CACNA1C: variants seen among roughly 807,000 people sequenced by gnomAD.
The protein encoded by CACNA1C is calcium voltage-gated channel subunit alpha1 C.
CACNA1C carries 30 observed loss-of-function variants against 229.0 expected under a neutral mutation model. The ratio of observed to expected loss-of-function variants is 0.13; its 90% CI spans 0.10 to 0.18. CACNA1C has a LOEUF of 0.18. CACNA1C is among the 10% of genes least tolerant of loss of function. The pLI is 1.00. For synonymous variants in CACNA1C, 1,114 were observed against 1,132.5 expected (o/e 0.98, Z 0.33); for missense variants, 1,658 against 2,845.0 (o/e 0.58, Z 9.49).
intron 7 of CACNA1C, among the ~76,000 whole-genome samples, chr12:2,494,539 G>C (rs1009691810): frequency 6.6e-6 from 1 of 152,230 alleles, no homozygotes; most frequent in East Asian, 1.9e-4. Context: ...AACAATCTAA[G>C]AGCCTGCTCA....
chr12:2,597,701 C>T lies in CACNA1C; in HGVS notation c.2853+412C>T, dbSNP rs1263396566. ...AGGAGCAGCCTACCCCACCACAGCTCCTCCCTCCAGCCACCCCTAAGCAGT... is the reference window on the plus strand; with the variant it reads ...AGGAGCAGCCTACCCCACCACAGCTTCTCCCTCCAGCCACCCCTAAGCAGT... On this transcript the variant is annotated intron_variant, in intron 21 of 46. Coordinates refer to ENST00000399655, the MANE Select transcript of CACNA1C (RefSeq NM_000719.7). The surrounding 1 kb of genome is among the most constrained non-coding windows in gnomAD (Gnocchi z 4.3). Among the ~76,000 whole-genome samples the T allele has an allele frequency of 6.6e-6, 1 of 152,220 alleles. No homozygotes were observed. Among genetic ancestry groups the T allele is most frequent in the Non-Finnish European group, 1.5e-5 (1 of 68,042 alleles).
intron 1 of CACNA1C, among the ~76,000 whole-genome samples, chr12:2,009,778 A>C (rs2044066636): frequency 6.6e-6 from 1 of 152,222 alleles, no homozygotes; most frequent in Admixed American, 6.5e-5. Context: ...TGTTTTAAGC[A>C]GCAGAGCACA....
intron 3 of CACNA1C, among the ~76,000 whole-genome samples, chr12:2,189,514 T>G (rs2097148280): frequency 6.6e-6 from 1 of 152,200 alleles, no homozygotes; most frequent in South Asian, 2.1e-4. Context: ...CCATCGTGGC[T>G]GCCTGTGTGG....
chr12:2,597,175 C>A lies in CACNA1C; in HGVS notation c.2794-55C>A. On this transcript the variant is annotated intron_variant, in intron 20 of 46. Transcript: ENST00000399655. The surrounding 1 kb of genome is among the most constrained non-coding windows in gnomAD (Gnocchi z 4.3). ...AACATCCACTGACCTCTCTTCCCGT[C>A]CTGCTTTTCTCCCTTCCCCATCCCA... The A allele has an allele frequency of 8.7e-7, 1 of 1,155,866 alleles. No individual in the cohort carries two copies. The highest frequency in any genetic ancestry group is 1.3e-6 in the Non-Finnish European group (1 of 769,442). The allele number at this position is 1,155,866 out of a possible 1,614,324, so 71.6% of individuals were successfully genotyped here. A position where few individuals can be genotyped will look rare whatever the true frequency, so the allele number is the denominator to read the frequency against.
rs145043861 is a variant in CACNA1C, at chr12:2,306,366, C to A, written c.478-142610C>A. On this transcript the variant is annotated intron_variant, in intron 3 of 46. Coordinates refer to ENST00000399655, the MANE Select transcript of CACNA1C (RefSeq NM_000719.7). Reference sequence around the variant, plus strand: ...TCACAGGCCAGCAGGCAGCTGGGGGCCCTCTTGGGTCCTCTGTCTTCTCCT... The same window carrying A: ...TCACAGGCCAGCAGGCAGCTGGGGGACCTCTTGGGTCCTCTGTCTTCTCCT... Among the ~76,000 whole-genome samples, 13 of 152,306 alleles carry A rather than the reference C, an allele frequency of 8.5e-5. No individual in the cohort carries two copies. In the East Asian group the frequency reaches 2.5e-3, roughly 29 times the overall value.
chr12:2,162,984 C>G (rs1277975459), intron 3 of CACNA1C, among the ~76,000 whole-genome samples: 1 of 152,022 alleles, frequency 6.6e-6, no homozygotes, highest in Non-Finnish European at 1.5e-5. Context: ...AATATGACCA[C>G]TGACTGGAGT....
chr12:2,318,755 A>G (rs974053519), intron 3 of CACNA1C, among the ~76,000 whole-genome samples: 1 of 151,724 alleles, frequency 6.6e-6, no homozygotes, highest in African/African-American at 2.4e-5. Context: ...AGAGGGAAGG[A>G]GGGAGATGGC....
At chr12:2,547,771 C>T (rs189294927) in intron 9 of CACNA1C, among the ~76,000 whole-genome samples, 1 of 152,322 alleles carries the variant, frequency 6.6e-6, no homozygotes, top group Admixed American at 6.5e-5. Context: ...AGAGCTATTC[C>T]TCCAGGAGCT....
At chr12:2,680,956 A>G (rs2097116086) in intron 42 of CACNA1C, among the ~76,000 whole-genome samples, 1 of 152,116 alleles carries the variant, frequency 6.6e-6, no homozygotes, top group African/African-American at 2.4e-5. Flanking sequence ...TTTGCATAGG[A>G]GAGGATCTAA....
intron 3 of CACNA1C, among the ~76,000 whole-genome samples, chr12:2,123,993 G>GTCA (rs1162660306): frequency 6.6e-6 from 1 of 152,030 alleles, no homozygotes; most frequent in African/African-American, 2.4e-5. Flanking sequence ...TGTTATTATT[G>GTCA]TCATCATCAT....
chr12:2,198,468 T>C (rs2154313164), intron 3 of CACNA1C, among the ~76,000 whole-genome samples: 1 of 152,310 alleles, frequency 6.6e-6, no homozygotes, highest in East Asian at 1.9e-4. Flanking sequence ...CCGCATATTG[T>C]AGGCACTGCA....
At position 2,275,623 on chromosome 12, in the gene CACNA1C, A is replaced by G. The variant is rs899421337; in HGVS notation, c.477+155193A>G. 6.6e-6 allele frequency among the ~76,000 whole-genome samples: 1 copy of G among 152,208 alleles called. No homozygotes were observed. The highest frequency in any genetic ancestry group is 1.5e-5 in the Non-Finnish European group (1 of 68,020). On this transcript the variant is annotated intron_variant, in intron 3 of 46. Coordinates refer to ENST00000399655, the MANE Select transcript of CACNA1C (RefSeq NM_000719.7). This position sits in a 1 kb window ranked among gnomAD's most constrained non-coding sequence, Gnocchi z 4.1. ...GAGGTGGCCTGACCACTCTAAGCCCACAGCACCACTGGATCTTTCCCCTCT... is the reference window on the plus strand; with the variant it reads ...GAGGTGGCCTGACCACTCTAAGCCCGCAGCACCACTGGATCTTTCCCCTCT...
At chr12:2,072,037 A>G (rs904380304) in intron 1 of CACNA1C, among the ~76,000 whole-genome samples, 2 of 152,168 alleles carry the variant, frequency 1.3e-5, no homozygotes, top group African/African-American at 2.4e-5. Flanking sequence ...CTTTGAAAGT[A>G]TTCGTATATT....
chr12:2,064,377 G>T (rs952823087), intron 1 of CACNA1C, among the ~76,000 whole-genome samples: 2 of 152,214 alleles, frequency 1.3e-5, no homozygotes, highest in Non-Finnish European at 2.9e-5. Flanking sequence ...ACTGTTGGGA[G>T]AGGGTGGCTC....
chr12:2,589,742 G>A (rs941076332), intron 18 of CACNA1C, among the ~76,000 whole-genome samples: 1 of 152,202 alleles, frequency 6.6e-6, no homozygotes, highest in Admixed American at 6.5e-5. Context: ...AGAGCAGAAT[G>A]GGGGCAGGGA....
chr12:2,652,278 A>T (rs960888392), intron 32 of CACNA1C, among the ~76,000 whole-genome samples: 3 of 152,162 alleles, frequency 2.0e-5, no homozygotes, highest in African/African-American at 7.2e-5. Context: ...GCTCGGCTAG[A>T]GAGGCCCTTC....
intron 1 of CACNA1C, among the ~76,000 whole-genome samples, chr12:2,111,601 T>G (rs2081786228): frequency 1.3e-5 from 2 of 150,858 alleles, no homozygotes; most frequent in Non-Finnish European, 1.5e-5. Context: ...TTACCATGAG[T>G]GAATTGGGGG....
intron 34 of CACNA1C, among the ~76,000 whole-genome samples, chr12:2,656,065 A>G (rs770490764): frequency 3.7e-4 from 57 of 152,210 alleles, no homozygotes; most frequent in Non-Finnish European, 7.5e-4. Context: ...CACCACTTCT[A>G]TTCAACATAA....
chr12:2,278,636 C>T (rs989390789), intron 3 of CACNA1C, among the ~76,000 whole-genome samples: 1 of 152,188 alleles, frequency 6.6e-6, no homozygotes, highest in Non-Finnish European at 1.5e-5. Context: ...ACAGTTTATC[C>T]ATCCATGTTG....
Sources: allele counts gnomAD v4.1 joint callset (sites outside exome capture counted in the v4.1 genomes callset), GRCh38; gene constraint gnomAD v4.1.1; non-coding constraint Gnocchi (gnomAD v3.1); transcripts MANE v1.5; gene names NCBI Gene and HGNC (gene_info 2026-07-23, HGNC 2026-07-21).